The following GJB1 variants were observed in gnomAD, a reference collection of about 807,000 sequenced individuals.
The protein encoded by GJB1 is gap junction beta-1 protein.
A neutral mutation model predicts 12.0 loss-of-function variants in GJB1; 1 was observed. The observed-to-expected ratio is 0.08, with a 90% confidence interval of 0.03 to 0.40. The LOEUF (loss-of-function observed/expected upper bound fraction) is 0.40. Among genes scored for constraint, GJB1 ranks in the 10% least tolerant of loss-of-function variants. GJB1 has a pLI of 0.98. For missense variants in GJB1, 140 were observed against 250.3 expected, an observed-to-expected ratio of 0.56 and a Z score of 2.97; for synonymous variants, 114 against 102.8, an observed-to-expected ratio of 1.11 and a Z score of -0.66.
intron 1 of GJB1, 141 bp downstream of exon 1, chrX:71,223,476 G>A (rs2092541432): frequency 8.9e-6 from 4 of 450,250 alleles, no homozygotes; most frequent in East Asian, 3.7e-5. Flanking sequence ...GGATGAAAGC[G>A]AAGAAGGGGG....
chrX:71,222,767 G>A (rs969938158), upstream of GJB1: 2 of 111,022 alleles, frequency 1.8e-5, no homozygotes, highest in Non-Finnish European at 3.8e-5. Flanking sequence ...AAGAAAAAAT[G>A]TATGGAACAA....
Position 71,224,676 on chromosome X carries a change from C to T in GJB1, c.*117C>T, listed in dbSNP as rs41307256. On this transcript the variant is annotated 3_prime_UTR_variant, in exon 2 of 2. Transcript: ENST00000361726. ...CTGGGGATTACTCGATCAAAACCTT[C>T]CTTCCCTGGCTACTTCCCTTCCTCC... 0.023 allele frequency: 15,946 copies of T among 684,992 alleles called. 220 individuals are homozygous for T. The highest frequency in any genetic ancestry group is 0.066 in the African/African-American group (3,024 of 45,793). 56.5% of individuals were successfully genotyped at this position (684,992 alleles called of 1,213,427 possible). A position where few individuals can be genotyped will look rare whatever the true frequency, so the allele number is the denominator to read the frequency against.
chrX:71,220,890 CTTTTTTT>C (rs869189116), upstream of GJB1, among the ~76,000 whole-genome samples: 1 of 34,501 alleles, frequency 2.9e-5, no homozygotes, highest in Non-Finnish European at 4.5e-5. Context: ...TGTTTCTTTC[CTTTTTTT>C]TTTTTTTTTT....
chrX:71,216,502 C>A (rs1301232796), intron 1 of GJB1, among the ~76,000 whole-genome samples: 1 of 109,028 alleles, frequency 9.2e-6, no homozygotes, highest in Non-Finnish European at 1.9e-5. Flanking sequence ...TTGTTGTGAG[C>A]GTGAGAGTCT....
chrX:71,223,893 C>T lies in GJB1; in HGVS notation c.186C>T (p.Ser62=). 8.3e-7 allele frequency: 1 copy of T among 1,210,014 alleles called. No homozygotes were observed. The highest frequency in any genetic ancestry group is 1.1e-6 in the Non-Finnish European group (1 of 894,405). The part of the protein sequence containing the change: ...ICNTLQPGCN[S]VCYDQFFPIS... ...ACACACTCCAGCCTGGCTGCAACAG[C>T]GTTTGCTATGACCAATTCTTCCCCA... Residue 62 remains serine (S), a synonymous_variant, in exon 2 of 2, where the codon AGC becomes AGT. Coordinates refer to ENST00000361726, the MANE Select transcript of GJB1 (RefSeq NM_000166.6).
chrX:71,217,577 C>T, intron 1 of GJB1: 1 of 111,858 alleles, frequency 8.9e-6, no homozygotes, highest in East Asian at 2.8e-4. Context: ...GTCACAAAAA[C>T]AGTTTGGATT....
In GJB1 at chrX:71,225,225, A is replaced by G. The variant is rs2092548351; in HGVS notation, c.*666A>G. ...GAAGAGGTGGCTTGTGTGTTTGTCA[A>G]GTTCTTTCTCCTGCAACCTCTGACC... On this transcript the variant is annotated 3_prime_UTR_variant, in exon 2 of 2. Coordinates refer to ENST00000361726, the MANE Select transcript of GJB1 (RefSeq NM_000166.6). The G allele has an allele frequency of 8.1e-6, 1 of 123,873 alleles. No homozygotes were observed. The highest frequency in any genetic ancestry group is 1.9e-5 in the Non-Finnish European group (1 of 53,758). 10.2% of individuals were successfully genotyped at this position (123,873 alleles called of 1,213,427 possible). A position where few individuals can be genotyped will look rare whatever the true frequency, so the allele number is the denominator to read the frequency against.
chrX:71,218,444 A>AT (rs1291041085), upstream of GJB1, among the ~76,000 whole-genome samples: 2 of 103,119 alleles, frequency 1.9e-5, no homozygotes, highest in African/African-American at 7.2e-5. Flanking sequence ...AAGAAAAGTT[A>AT]TACCTGTAGC....
At chrX:71,220,409 C>T (rs758101769), upstream of GJB1, among the ~76,000 whole-genome samples, 14 of 99,185 alleles carry the variant, frequency 1.4e-4, no homozygotes, top group African/African-American at 5.3e-4. Flanking sequence ...TGGGCTCAAG[C>T]AATCCACCCA....
At chrX:71,223,623 G>GCAGT (rs2092541691) in intron 1 of GJB1, 69 bp from the exon 2 acceptor site, 1 of 1,016,336 alleles carries the variant, frequency 9.8e-7, no homozygotes, top group African/African-American at 1.9e-5. Context: ...GGGTGCGCAG[G>GCAGT]CAGTGCTATG....
Position 71,223,985 on chromosome X carries a change from T to C in GJB1, c.278T>C (p.Met93Thr). The C allele has an allele frequency of 8.3e-7, 1 of 1,202,611 alleles. No homozygotes were observed. Among genetic ancestry groups the C allele is most frequent in the South Asian group, 1.8e-5 (1 of 55,716 alleles). ...LVSTPALLVA[M>T]HVAHQQHIEK... ...TCCACCCCAGCTCTCCTCGTGGCCA[T>C]GCACGTGGCTCACCAGCAACACATA... Residue 93 changes from methionine (M) to threonine (T), a missense_variant, in exon 2 of 2, where the codon ATG becomes ACG. Met to Thr is a moderately conservative substitution (Grantham distance 81, BLOSUM62 -1). Around this residue, in one of 4 missense-constraint regions of GJB1, gnomAD observed 49 missense variants for 104.5 expected, o/e 0.47. Coordinates refer to ENST00000361726, the MANE Select transcript of GJB1 (RefSeq NM_000166.6).
rs979721736 is a variant in GJB1, at chrX:71,224,881, A to G, written c.*322A>G. On this transcript the variant is annotated 3_prime_UTR_variant, in exon 2 of 2. Transcript: ENST00000361726. The stretch of plus-strand genomic sequence containing the variant: ...TGCTCCGACAGCGTCTCCAATTATG[A>G]AACTAATCTTAACCCTGTGCTGTCA... 5.4e-6 allele frequency: 2 copies of G among 371,703 alleles called. No individual in the cohort carries two copies. Among genetic ancestry groups the G allele is most frequent in the African/African-American group, 5.2e-5 (2 of 38,669 alleles). The allele number at this position is 371,703 out of a possible 1,213,427, so 30.6% of individuals were successfully genotyped here. A position where few individuals can be genotyped will look rare whatever the true frequency, so the allele number is the denominator to read the frequency against.
chrX:71,224,550 G>C lies in GJB1; in HGVS notation c.843G>C (p.Ser281=). Residue 281 remains serine (S), a synonymous_variant, in exon 2 of 2, where the codon TCG becomes TCC. Coordinates refer to ENST00000361726, the MANE Select transcript of GJB1 (RefSeq NM_000166.6). ...TGGCTGAAAAGAGCGACCGCTGCTC[G>C]GCCTGCTGATGCCACATACCAGGCA... ...AGLAEKSDRC[S]AC The C allele has an allele frequency of 8.4e-7, 1 of 1,184,744 alleles. No individual in the cohort carries two copies. Among genetic ancestry groups the C allele is most frequent in the Non-Finnish European group, 1.1e-6 (1 of 881,797 alleles).
intron 1 of GJB1, among the ~76,000 whole-genome samples, chrX:71,217,104 ATGTGTGTGTGTGTGTGTGTG>A (rs34246909): frequency 1.1e-5 from 1 of 93,569 alleles, no homozygotes; most frequent in Non-Finnish European, 2.1e-5. Context: ...GACTAGACGA[ATGTGTGTGTGTGTGTGTGTG>A]TGTGTGTGTG....
chrX:71,223,609 G>A, intron 1 of GJB1, 83 bp from the exon 2 acceptor site: 3 of 882,268 alleles, frequency 3.4e-6, no homozygotes, highest in Admixed American at 4.4e-5. Context: ...GAAGAGTTGA[G>A]GGGGGGTGCG....
At chrX:71,218,612 G>A (rs2092530107), upstream of GJB1, among the ~76,000 whole-genome samples, 1 of 108,527 alleles carries the variant, frequency 9.2e-6, no homozygotes, top group Non-Finnish European at 1.9e-5. Flanking sequence ...GGCCAGGCAC[G>A]GTGGCTCACG....
At chrX:71,221,650 G>C (rs2092538227), upstream of GJB1, among the ~76,000 whole-genome samples, 1 of 111,344 alleles carries the variant, frequency 9.0e-6, no homozygotes, top group Non-Finnish European at 1.9e-5. Flanking sequence ...CCTGCTGCTA[G>C]TATGATCTCC....
In GJB1 at chrX:71,224,355, C is replaced by T. The variant is rs765112624; in HGVS notation, c.648C>T (p.Ala216=). ...VAEVVYLIIR[A]CARRAQRRSN... is the part of the protein sequence containing the mutation. ...AGGTGGTGTACCTCATCATCCGGGC[C>T]TGTGCCCGCCGAGCCCAGCGCCGCT... The change falls in exon 2 of 2, where the codon GCC becomes GCT. Residue 216 remains alanine, a synonymous_variant. Coordinates refer to ENST00000361726, the MANE Select transcript of GJB1 (RefSeq NM_000166.6). 1.7e-6 allele frequency: 2 copies of T among 1,209,480 alleles called. No homozygotes were observed. Among genetic ancestry groups the T allele is most frequent in the East Asian group, 5.9e-5 (2 of 33,783 alleles).
At chrX:71,219,586 G>A (rs2092532354), upstream of GJB1, among the ~76,000 whole-genome samples, 1 of 104,977 alleles carries the variant, frequency 9.5e-6, no homozygotes, top group Non-Finnish European at 2.0e-5. Context: ...CCTGGCTAAC[G>A]TGGTGAAACC....
Sources: gnomAD v4.1 joint callset for allele counts (sites outside exome capture counted in the v4.1 genomes callset) on GRCh38, gnomAD v4.1.1 for gene constraint, gnomAD v4.1.1 regional missense constraint, MANE v1.5 for transcripts, NCBI Gene and HGNC (gene_info 2026-07-23, HGNC 2026-07-21) for gene names.